USH2A: variants seen among roughly 807,000 people sequenced by gnomAD.
USH2A encodes the protein Usher syndrome 2A (autosomal recessive, mild).
Under a neutral mutation model 538.9 loss-of-function variants are expected in USH2A, and 443 were observed. That is an observed-to-expected ratio of 0.82 (90% CI 0.76 to 0.89). USH2A has a LOEUF of 0.89. Ranked by LOEUF, USH2A falls within the 40% of genes least tolerant of loss-of-function variation. The pLI is 0.00. For synonymous variants in USH2A, 2,413 were observed against 2,273.5 expected, an observed-to-expected ratio of 1.06 and a Z score of -1.75; for missense variants, 6,633 against 6,324.8, an observed-to-expected ratio of 1.05 and a Z score of -1.65.
At chr1:215,721,793 G>C (rs1386595899) in intron 61 of USH2A, among the ~76,000 whole-genome samples, 3 of 152,146 alleles carry the variant, frequency 2.0e-5, no homozygotes, top group Non-Finnish European at 4.4e-5. Context: ...GCCATGGTCA[G>C]TGGCTCAAGC....
intron 21 of USH2A, among the ~76,000 whole-genome samples, chr1:216,111,104 A>C (rs1252597726): frequency 6.6e-6 from 1 of 152,042 alleles, no homozygotes; most frequent in Non-Finnish European, 1.5e-5. Context: ...CACACTTGTA[A>C]TCCCAGCTAC....
chr1:215,884,950 T>C (rs376373632), intron 41 of USH2A, among the ~76,000 whole-genome samples: 2 of 152,162 alleles, frequency 1.3e-5, no homozygotes, highest in Non-Finnish European at 2.9e-5. Flanking sequence ...TTATTCTGCT[T>C]CACCTGTGAA....
At chr1:216,120,219 CAAAAAAAA>C (rs10525093) in intron 21 of USH2A, among the ~76,000 whole-genome samples, 3 of 100,070 alleles carry the variant, frequency 3.0e-5, no homozygotes, top group Non-Finnish European at 5.8e-5. Context: ...TACTAAATAG[CAAAAAAAA>C]AAAAAAAAAA....
intron 11 of USH2A, among the ~76,000 whole-genome samples, chr1:216,264,669 G>T (rs1006666625): frequency 6.6e-6 from 1 of 151,992 alleles, no homozygotes; most frequent in African/African-American, 2.4e-5. Flanking sequence ...CTACTTAACT[G>T]CAAAATTTAC....
intron 40 of USH2A, among the ~76,000 whole-genome samples, chr1:215,890,477 C>A (rs561128888): frequency 1.2e-3 from 187 of 152,146 alleles, no homozygotes; most frequent in Non-Finnish European, 2.2e-3. Context: ...AATCACTTTT[C>A]GAAGCAAAAG....
At chr1:216,353,024 T>G (rs2038315183) in intron 4 of USH2A, among the ~76,000 whole-genome samples, 1 of 151,982 alleles carries the variant, frequency 6.6e-6, no homozygotes, top group Middle Eastern at 3.2e-3. Context: ...GTCGTCCTCT[T>G]TGGGTATATT....
At chr1:216,405,426 ATGAAAATATGC>A (rs759289834) in intron 3 of USH2A, among the ~76,000 whole-genome samples, 8 of 152,216 alleles carry the variant, frequency 5.3e-5, no homozygotes, top group Non-Finnish European at 1.0e-4. Context: ...AAATAAGCAC[ATGAAAATATGC>A]TGAACACCAT....
intron 41 of USH2A, among the ~76,000 whole-genome samples, chr1:215,883,459 T>G (rs978028215): frequency 7.9e-5 from 12 of 152,006 alleles, no homozygotes; most frequent in African/African-American, 2.9e-4. Context: ...TGAGTTTCTT[T>G]TTTTCTTTAG....
intron 55 of USH2A, among the ~76,000 whole-genome samples, chr1:215,776,731 T>C (rs1661479975): frequency 6.6e-6 from 1 of 152,224 alleles, no homozygotes; most frequent in South Asian, 2.1e-4. Flanking sequence ...TAAATTTGAT[T>C]ATTTTAGTTC....
intron 13 of USH2A, among the ~76,000 whole-genome samples, chr1:216,235,326 ATTCCATGAATGATTTTG>A (rs2102527602): frequency 6.6e-6 from 1 of 152,308 alleles, no homozygotes; most frequent in South Asian, 2.1e-4. Flanking sequence ...TTGAGATTTC[ATTCCATGAATGATTTTG>A]TACCACATTC....
rs370643016 is a variant in USH2A, at chr1:215,800,377, C to A, written c.9740-1252G>T. On this transcript the variant is annotated intron_variant, in intron 49 of 71. Transcript: ENST00000307340. Reference sequence around the variant, plus strand: ...TGAACATATCTTTTCCCCTGGACAACATCTCTTCATTATATCTTATAAGGT... The same window carrying A: ...TGAACATATCTTTTCCCCTGGACAAAATCTCTTCATTATATCTTATAAGGT... Among the ~76,000 whole-genome samples, 13 of 152,298 alleles carry A rather than the reference C, an allele frequency of 8.5e-5. No individual in the cohort carries two copies. In the East Asian group the frequency reaches 2.1e-3, roughly 25 times the overall value.
At chr1:216,331,811 A>T (rs528707503) in intron 4 of USH2A, among the ~76,000 whole-genome samples, 1 of 152,262 alleles carries the variant, frequency 6.6e-6, no homozygotes, top group Non-Finnish European at 1.5e-5. Flanking sequence ...ATAGGTAAAA[A>T]CTATAAGACA....
At chr1:215,898,412 G>T (rs1665404851) in intron 40 of USH2A, among the ~76,000 whole-genome samples, 1 of 152,102 alleles carries the variant, frequency 6.6e-6, no homozygotes, top group Non-Finnish European at 1.5e-5. Flanking sequence ...GCTCAACAAA[G>T]GATGCTATGC....
At chr1:215,850,078 A>C (rs1426642934) in intron 44 of USH2A, among the ~76,000 whole-genome samples, 1 of 152,172 alleles carries the variant, frequency 6.6e-6, no homozygotes, top group East Asian at 1.9e-4. Flanking sequence ...GGGAAAGTTT[A>C]AGAATTGCTG....
intron 50 of USH2A, among the ~76,000 whole-genome samples, chr1:215,798,298 C>G (rs1199533062): frequency 6.6e-6 from 1 of 152,110 alleles, no homozygotes; most frequent in Non-Finnish European, 1.5e-5. Flanking sequence ...AAAGCCCCAC[C>G]TCCAATAACA....
chr1:215,807,220 C>T (rs1398705885), intron 49 of USH2A, among the ~76,000 whole-genome samples: 1 of 152,124 alleles, frequency 6.6e-6, no homozygotes, highest in African/African-American at 2.4e-5. Context: ...ATTCTCTCCT[C>T]CAGAAGGGAA....
chr1:215,935,696 G>A (rs778939054), intron 37 of USH2A, among the ~76,000 whole-genome samples: 8 of 151,958 alleles, frequency 5.3e-5, no homozygotes, highest in Non-Finnish European at 1.0e-4. Flanking sequence ...GGCTACAGAT[G>A]AAAATTGTAA....
At chr1:215,840,604 T>C (rs575808787) in intron 46 of USH2A, among the ~76,000 whole-genome samples, 1 of 152,288 alleles carries the variant, frequency 6.6e-6, no homozygotes, top group South Asian at 2.1e-4. Context: ...CCAGTAGTGG[T>C]ATAAATAAAG....
At chr1:215,706,709 T>C (rs1256573246) in intron 61 of USH2A, among the ~76,000 whole-genome samples, 3 of 152,222 alleles carry the variant, frequency 2.0e-5, no homozygotes, top group East Asian at 3.8e-4. Flanking sequence ...CCCTTTTCTT[T>C]GGATTTTTCA....
Sources: gnomAD v4.1 joint callset for allele counts (sites outside exome capture counted in the v4.1 genomes callset) on GRCh38, gnomAD v4.1.1 for gene constraint, MANE v1.5 for transcripts, NCBI Gene and HGNC (gene_info 2026-07-23, HGNC 2026-07-21) for gene names.